TTYH2: variants seen among roughly 807,000 people sequenced by gnomAD.
The protein encoded by TTYH2 is tweety family member 2, also known as protein tweety homolog 2.
Under a neutral mutation model 68.3 loss-of-function variants are expected in TTYH2, and 49 were observed. The ratio of observed to expected loss-of-function variants is 0.72; its 90% confidence interval spans 0.57 to 0.91. TTYH2 has a LOEUF of 0.91. TTYH2 is among the 40% of genes least tolerant of loss of function. The probability of loss-of-function intolerance (pLI) is 0.00; values close to 1 mark genes in which losing one functional copy is unlikely to be tolerated. For missense variants in TTYH2, 631 were observed against 700.4 expected (o/e 0.90, Z 1.12); for synonymous variants, 272 against 300.8 (o/e 0.90, Z 0.99).
At chr17:74,251,052 GTC>G (rs1047271559) in intron 10 of TTYH2, among the ~76,000 whole-genome samples, 1 of 121,296 alleles carries the variant, frequency 8.2e-6, no homozygotes, top group Non-Finnish European at 1.8e-5. Context: ...ACGTGCGTGT[GTC>G]TGTGTGTGTG....
At position 74,214,655 on chromosome 17, in the gene TTYH2, T is replaced by G. The variant is rs1012457228; in HGVS notation, c.129+939T>G. On this transcript the variant is annotated intron_variant, in intron 1 of 13. Coordinates refer to ENST00000269346, the MANE Select transcript of TTYH2 (RefSeq NM_032646.6). This position sits in a 1 kb window ranked among gnomAD's most constrained non-coding sequence, Gnocchi z 4.6. Reference sequence around the variant, plus strand: ...ATCTCCCAGCCCGTCTCAGGTCTGGTCACGCCTGCTCTGGCCCCGGGAGCC... The same window carrying G: ...ATCTCCCAGCCCGTCTCAGGTCTGGGCACGCCTGCTCTGGCCCCGGGAGCC... Among the ~76,000 whole-genome samples, 1 of 152,182 alleles carries G rather than the reference T, an allele frequency of 6.6e-6. No homozygotes were observed. Among genetic ancestry groups the G allele is most frequent in the Non-Finnish European group, 1.5e-5 (1 of 68,038 alleles).
At chr17:74,223,288 G>C (rs1381027479) in intron 2 of TTYH2, among the ~76,000 whole-genome samples, 1 of 142,790 alleles carries the variant, frequency 7.0e-6, no homozygotes, top group African/African-American at 2.9e-5. Flanking sequence ...TTTTTTTTGG[G>C]GGGCGGGGGG....
rs1437805956 is a variant in TTYH2, at chr17:74,214,829, C to T, written c.129+1113C>T. ...CAAGTTCTCCAGATATGGGACAGATCAGGGCAAAGCAGGGCCTCTTGGAGG... is the reference window on the plus strand; with the variant it reads ...CAAGTTCTCCAGATATGGGACAGATTAGGGCAAAGCAGGGCCTCTTGGAGG... On this transcript the variant is annotated intron_variant, in intron 1 of 13. Transcript: ENST00000269346. This position sits in a 1 kb window ranked among gnomAD's most constrained non-coding sequence, Gnocchi z 4.6. Among the ~76,000 whole-genome samples, 5 of 152,202 alleles carry T rather than the reference C, an allele frequency of 3.3e-5. No homozygotes were observed. Among genetic ancestry groups the T allele is most frequent in the African/African-American group, 1.2e-4 (5 of 41,452 alleles).
At chr17:74,259,058 C>T (rs1417146033) in intron 13 of TTYH2, among the ~76,000 whole-genome samples, 1 of 152,088 alleles carries the variant, frequency 6.6e-6, no homozygotes, top group Non-Finnish European at 1.5e-5. Context: ...GAGTGAAAGG[C>T]CCTCTCCACT....
chr17:74,258,877 C>T (rs2050719051), intron 13 of TTYH2, among the ~76,000 whole-genome samples: 1 of 152,112 alleles, frequency 6.6e-6, no homozygotes, highest in Admixed American at 6.5e-5. Context: ...CTCATGCTCC[C>T]TCCTCCCCAA....
At chr17:74,254,340 G>C (rs929487777) in intron 13 of TTYH2, among the ~76,000 whole-genome samples, 1 of 152,094 alleles carries the variant, frequency 6.6e-6, no homozygotes, top group Non-Finnish European at 1.5e-5. Context: ...GCTAATTTTT[G>C]TATTTTTAGT....
intron 6 of TTYH2, among the ~76,000 whole-genome samples, chr17:74,245,389 C>T (rs1416649458): frequency 6.6e-6 from 1 of 152,250 alleles, no homozygotes; most frequent in Non-Finnish European, 1.5e-5. Flanking sequence ...GGGCCACGCA[C>T]AGGGAAGCTG....
At chr17:74,258,065 A>G (rs1197875061) in intron 13 of TTYH2, among the ~76,000 whole-genome samples, 1 of 146,842 alleles carries the variant, frequency 6.8e-6, no homozygotes, top group African/African-American at 2.5e-5. Flanking sequence ...GAGGCAGGAG[A>G]ATCACTTGAA....
chr17:74,243,908 G>A, intron 5 of TTYH2, 69 bp from the exon 6 acceptor site: 1 of 1,489,748 alleles, frequency 6.7e-7, no homozygotes, highest in South Asian at 1.2e-5. Flanking sequence ...CTGGGGGCAG[G>A]GTGGGTGGGG....
chr17:74,219,522 C>A (rs1012891897), intron 1 of TTYH2, among the ~76,000 whole-genome samples: 1 of 152,130 alleles, frequency 6.6e-6, no homozygotes, highest in Non-Finnish European at 1.5e-5. Flanking sequence ...CCAATCAGAT[C>A]GTATTCCTGA....
In TTYH2 at chr17:74,260,489, C is replaced by A. The variant is rs2050739019; in HGVS notation, c.*280C>A. On this transcript the variant is annotated 3_prime_UTR_variant, in exon 14 of 14. Coordinates refer to ENST00000269346, the MANE Select transcript of TTYH2 (RefSeq NM_032646.6). Reference sequence around the variant, plus strand: ...TCCCTGAGCTGGCTGCCTGGCCCTGCTCACCCCTACGCCTCGCCCTTGCCA... The same window carrying A: ...TCCCTGAGCTGGCTGCCTGGCCCTGATCACCCCTACGCCTCGCCCTTGCCA... The A allele has an allele frequency of 4.2e-6, 2 of 475,438 alleles. No individual in the cohort carries two copies. Among genetic ancestry groups the A allele is most frequent in the Admixed American group, 3.3e-5 (1 of 30,232 alleles). The allele number at this position is 475,438 out of a possible 1,614,324, so 29.5% of individuals were successfully genotyped here. A position where few individuals can be genotyped will look rare whatever the true frequency, so the allele number is the denominator to read the frequency against.
intron 3 of TTYH2, 39 bp downstream of exon 3, chr17:74,231,038 C>A: frequency 1.3e-6 from 2 of 1,589,796 alleles, no homozygotes; most frequent in Non-Finnish European, 1.7e-6. Flanking sequence ...CAGGCACAGC[C>A]CACAAGGTCA....
intron 2 of TTYH2, among the ~76,000 whole-genome samples, chr17:74,227,502 A>G (rs2050342221): frequency 6.6e-6 from 1 of 152,234 alleles, no homozygotes; most frequent in African/African-American, 2.4e-5. Context: ...ATAAAGTTAC[A>G]AATTGGAGGG....
In TTYH2 at chr17:74,235,895, C is replaced by CAA. The variant is rs538914752; in HGVS notation, c.415-1384_415-1383dup. Among the ~76,000 whole-genome samples the CAA allele has an allele frequency of 2.5e-3, 139 of 54,982 alleles. 2 individuals are homozygous for CAA. The East Asian group carries it at 0.027, about 11-fold the overall frequency. The allele number at this position is 54,982 out of a possible 152,430, so 36.1% of individuals were successfully genotyped here. A position where few individuals can be genotyped will look rare whatever the true frequency, so the allele number is the denominator to read the frequency against. ...GGTGACACAGAGCGAGACTCCATCT[C>CAA]AAAAAAAAAAAAAAAACAAAAAAGA... On this transcript the variant is annotated intron_variant, in intron 3 of 13. Transcript: ENST00000269346.
chr17:74,227,787 C>G (rs563479603), intron 2 of TTYH2, among the ~76,000 whole-genome samples: 1 of 150,074 alleles, frequency 6.7e-6, no homozygotes, highest in Non-Finnish European at 1.5e-5. Context: ...CTCCTGCCCC[C>G]CCATCTTGGA....
chr17:74,249,254 G>T (rs1014041052), intron 7 of TTYH2, 90 bp from the exon 8 acceptor site: 9 of 1,578,972 alleles, frequency 5.7e-6, no homozygotes, highest in Admixed American at 1.7e-5. Context: ...GCTCAGGGAC[G>T]GGGAGGGAGG....
intron 10 of TTYH2, chr17:74,251,942 C>A: frequency 2.6e-6 from 1 of 383,442 alleles, no homozygotes; most frequent in Non-Finnish European, 4.8e-6. Flanking sequence ...GCTTCAGTGC[C>A]CCCGTCTCTG....
chr17:74,256,863 AG>A (rs1186687507), intron 13 of TTYH2: 2 of 152,206 alleles, frequency 1.3e-5, no homozygotes, highest in Non-Finnish European at 2.9e-5. Context: ...AGGCCAGGCT[AG>A]TCTCTAACTC....
intron 5 of TTYH2, 92 bp from the exon 6 acceptor site, chr17:74,243,885 C>A (rs1333463467): frequency 7.4e-6 from 9 of 1,222,848 alleles, no homozygotes; most frequent in Non-Finnish European, 1.0e-5. Context: ...GCCTTTGGAT[C>A]CATTGCAAGG....
Sources: allele counts gnomAD v4.1 joint callset (sites outside exome capture counted in the v4.1 genomes callset), GRCh38; gene constraint gnomAD v4.1.1; non-coding constraint Gnocchi (gnomAD v3.1); transcripts MANE v1.5; gene names NCBI Gene and HGNC (gene_info 2026-07-23, HGNC 2026-07-21).